The following ARHGEF17 variants were observed in gnomAD, a reference collection of about 807,000 sequenced individuals.
The protein encoded by ARHGEF17 is 164 kDa Rho-specific guanine-nucleotide exchange factor.
ARHGEF17 carries 80 observed loss-of-function variants against 174.0 expected under a neutral mutation model. That is an observed-to-expected ratio of 0.46 (90% CI 0.38 to 0.55). The LOEUF is 0.55. Ranked by LOEUF, ARHGEF17 falls within the 20% of genes least tolerant of loss-of-function variation. ARHGEF17 has a pLI of 0.00. For missense variants in ARHGEF17, 2,886 were observed against 2,839.7 expected, an observed-to-expected ratio of 1.02 and a Z score of -0.37; for synonymous variants, 1,311 against 1,189.1, an observed-to-expected ratio of 1.10 and a Z score of -2.11.
rs549858778 is a variant in ARHGEF17, at chr11:73,364,624, A to AT, written c.5550+26dup. 85 of 1,596,648 alleles carry AT rather than the reference A, an allele frequency of 5.3e-5. No homozygotes were observed. In the South Asian group the frequency reaches 8.9e-4, roughly 17 times the overall value. Reference sequence around the variant, plus strand: ...AGGTAGCAGGGGGTGGGGGAATGGAATTGGTGCCATGGGATGAGCTAGGTC... The same window carrying AT: ...AGGTAGCAGGGGGTGGGGGAATGGAATTTGGTGCCATGGGATGAGCTAGGTC... On this transcript the variant is annotated intron_variant, in intron 18 of 20. Transcript: ENST00000263674.
At chr11:73,361,012 T>TGGGGCA in intron 11 of ARHGEF17, 76 bp from the exon 12 acceptor site, 3 of 1,251,936 alleles carry the variant, frequency 2.4e-6, no homozygotes, top group East Asian at 2.3e-5. Context: ...GGAAGGGGAA[T>TGGGGCA]GGGGCAGGGG....
chr11:73,316,677 G>A (rs1352942068), intron 1 of ARHGEF17, among the ~76,000 whole-genome samples: 3 of 152,210 alleles, frequency 2.0e-5, no homozygotes, highest in African/African-American at 7.2e-5. Context: ...CAGAGAAGTA[G>A]AAGATCAGAG....
intron 1 of ARHGEF17, among the ~76,000 whole-genome samples, chr11:73,340,375 A>G (rs1865350188): frequency 6.6e-6 from 1 of 152,070 alleles, no homozygotes; most frequent in Non-Finnish European, 1.5e-5. Flanking sequence ...ATGCCTGTGG[A>G]TCTCTCGACC....
intron 1 of ARHGEF17, among the ~76,000 whole-genome samples, chr11:73,335,255 G>A (rs7342152): frequency 0.061 from 9,360 of 152,212 alleles, 915 homozygotes; most frequent in African/African-American, 0.2. Context: ...AACCTCCCCT[G>A]CTCAGACTCA....
chr11:73,356,566 C>A (rs918260107), intron 6 of ARHGEF17, 143 bp from the exon 7 acceptor site: 13 of 1,232,502 alleles, frequency 1.1e-5, no homozygotes, highest in Non-Finnish European at 1.5e-5. Context: ...TGTGGCCTGG[C>A]AGCACAAGGG....
intron 13 of ARHGEF17, 84 bp downstream of exon 13, chr11:73,362,323 C>T (rs1865756093): frequency 6.9e-7 from 1 of 1,446,324 alleles, no homozygotes; most frequent in Non-Finnish European, 9.1e-7. Context: ...GCCGCCCCGG[C>T]GTGGTTGTGG....
chr11:73,362,093 A>G lies in ARHGEF17; in HGVS notation c.4548A>G (p.Val1516=). The G allele has an allele frequency of 6.2e-7, 1 of 1,612,572 alleles. No homozygotes were observed. Among genetic ancestry groups the G allele is most frequent in the Non-Finnish European group, 8.5e-7 (1 of 1,179,874 alleles). The part of the protein sequence containing the change: ...LNSCPEPSPE[V]WVCNSDGYVG... Reference sequence around the variant, plus strand: ...GCTGCCCGGAGCCCTCGCCTGAGGTATGGGTCTGCAACAGCGACGGCTACG... The same window carrying G: ...GCTGCCCGGAGCCCTCGCCTGAGGTGTGGGTCTGCAACAGCGACGGCTACG... The change falls in exon 13 of 21, where the codon GTA becomes GTG. Residue 1516 remains valine (V), a synonymous_variant. Coordinates refer to ENST00000263674, the MANE Select transcript of ARHGEF17 (RefSeq NM_014786.4).
chr11:73,349,602 C>T (rs923367904), intron 2 of ARHGEF17, among the ~76,000 whole-genome samples: 3 of 152,024 alleles, frequency 2.0e-5, no homozygotes, highest in Admixed American at 6.5e-5. Flanking sequence ...GGTGACAGAG[C>T]GAGACTCTGT....
chr11:73,336,378 G>A (rs571877908), intron 1 of ARHGEF17, among the ~76,000 whole-genome samples: 1 of 152,330 alleles, frequency 6.6e-6, no homozygotes, highest in South Asian at 2.1e-4. Context: ...AGGATACAGT[G>A]AGCACACCTC....
Position 73,311,246 on chromosome 11 carries a change from C to A in ARHGEF17, c.2608C>A (p.Arg870=). The A allele has an allele frequency of 6.2e-7, 1 of 1,611,386 alleles. No individual in the cohort carries two copies. ...SSSEPILVEQ[R]AEPEEPGATR... is the part of the protein sequence containing the mutation. ...CAGCGAGCCCATCCTTGTAGAGCAG[C>A]GGGCAGAGCCAGAAGAACCTGGTGC... The change falls in exon 1 of 21, where the codon CGG becomes AGG. Residue 870 remains arginine (R), a synonymous_variant. Transcript: ENST00000263674.
chr11:73,319,526 A>T (rs1864982095), intron 1 of ARHGEF17, among the ~76,000 whole-genome samples: 2 of 152,178 alleles, frequency 1.3e-5, no homozygotes, highest in Admixed American at 1.3e-4. Context: ...TGAGGATGTA[A>T]TGCCAGGGCC....
intron 1 of ARHGEF17, among the ~76,000 whole-genome samples, chr11:73,314,128 C>T (rs1360164848): frequency 1.3e-5 from 2 of 152,208 alleles, no homozygotes; most frequent in African/African-American, 4.8e-5. Flanking sequence ...TTCTGGCTCC[C>T]AGAATATGGG....
intron 1 of ARHGEF17, among the ~76,000 whole-genome samples, chr11:73,316,682 T>C (rs1429955659): frequency 1.3e-5 from 2 of 152,112 alleles, no homozygotes; most frequent in Non-Finnish European, 2.9e-5. Flanking sequence ...AAGTAGAAGA[T>C]CAGAGGTGGG....
chr11:73,348,801 TTTA>T (rs1865505479), intron 2 of ARHGEF17, among the ~76,000 whole-genome samples: 2 of 152,122 alleles, frequency 1.3e-5, no homozygotes, highest in Admixed American at 1.3e-4. Context: ...AATGCGTTTG[TTTA>T]TTGTTTTTAA....
intron 2 of ARHGEF17, among the ~76,000 whole-genome samples, chr11:73,351,805 C>T (rs1393717459): frequency 2.0e-5 from 3 of 152,054 alleles, no homozygotes; most frequent in African/African-American, 7.2e-5. Context: ...TGGTGGCGAA[C>T]TCCTGAGCTC....
At chr11:73,331,629 T>G (rs1429298115) in intron 1 of ARHGEF17, among the ~76,000 whole-genome samples, 2 of 145,108 alleles carry the variant, frequency 1.4e-5, no homozygotes, top group Non-Finnish European at 1.5e-5. Flanking sequence ...AGTGGGGGGG[T>G]GCGGGGGGAG....
rs1864723484 is a variant in ARHGEF17 at position 73,308,328 on chromosome 11, T to G, written c.-311T>G. 3.2e-6 allele frequency: 1 copy of G among 310,572 alleles called. No homozygotes were observed. Among genetic ancestry groups the G allele is most frequent in the Non-Finnish European group, 5.9e-6 (1 of 169,938 alleles). The allele number at this position is 310,572 out of a possible 1,614,324, so 19.2% of individuals were successfully genotyped here. On this transcript the variant is annotated 5_prime_UTR_variant, in exon 1 of 21. Coordinates refer to ENST00000263674, the MANE Select transcript of ARHGEF17 (RefSeq NM_014786.4). The stretch of plus-strand genomic sequence containing the variant: ...GGGCGTTGGGCAGGCGGACGCAGAG[T>G]CGAGGAACCAAGCGCTGGGATCCCG...
Position 73,362,230 on chromosome 11 carries a change from G to T in ARHGEF17, c.4685G>T (p.Arg1562Leu). ...CIGAVPGLQPRCHREPPPSLR... is the reference protein window; with the variant it reads ...CIGAVPGLQPLCHREPPPSLR... ...GGGGCGGTGCCCGGGCTGCAGCCTCGCTGCCACCGGTGAGGCCTGGGCGGC... is the reference window on the plus strand; with the variant it reads ...GGGGCGGTGCCCGGGCTGCAGCCTCTCTGCCACCGGTGAGGCCTGGGCGGC... Residue 1562 changes from arginine (R) to leucine (L), a missense_variant, in exon 13 of 21, where the codon CGC becomes CTC. By Grantham distance (102) the Arg-to-Leu change is moderately radical (BLOSUM62 -2). Around this residue, in one of 4 missense-constraint regions of ARHGEF17, gnomAD observed 476 missense variants for 473.1 expected, o/e 1.01. Transcript: ENST00000263674. 1.3e-6 allele frequency: 2 copies of T among 1,537,660 alleles called. No homozygotes were observed. Among genetic ancestry groups the T allele is most frequent in the South Asian group, 1.2e-5 (1 of 84,308 alleles).
chr11:73,364,763 C>T, intron 18 of ARHGEF17, 163 bp downstream of exon 18: 2 of 825,966 alleles, frequency 2.4e-6, no homozygotes, highest in Non-Finnish European at 3.6e-6. Flanking sequence ...TCCTTCGATC[C>T]TCATTTCTTC....
Sources: gnomAD v4.1 joint callset for allele counts (sites outside exome capture counted in the v4.1 genomes callset) on GRCh38, gnomAD v4.1.1 for gene constraint, gnomAD v4.1.1 regional missense constraint, MANE v1.5 for transcripts, NCBI Gene and HGNC (gene_info 2026-07-23, HGNC 2026-07-21) for gene names.